The following SEMA4D variants were observed in gnomAD, a reference collection of about 807,000 sequenced individuals.
The protein encoded by SEMA4D is semaphorin 4D, also known as semaphorin-4D.
SEMA4D carries 22 observed loss-of-function variants against 74.8 expected under a neutral mutation model. The observed-to-expected ratio is 0.29, with a 90% CI of 0.21 to 0.42. The LOEUF is 0.42. Among genes scored for constraint, SEMA4D ranks in the 10% least tolerant of loss-of-function variants. SEMA4D has a pLI of 1.00. For missense variants in SEMA4D, 937 were observed against 1,118.4 expected, an observed-to-expected ratio of 0.84 and a Z score of 2.31; for synonymous variants, 445 against 463.7, an observed-to-expected ratio of 0.96 and a Z score of 0.52.
intron 2 of SEMA4D, among the ~76,000 whole-genome samples, chr9:89,423,835 T>TCC (rs1847525923): frequency 2.8e-5 from 3 of 106,472 alleles, no homozygotes; most frequent in African/African-American, 1.1e-4. Context: ...CTCCCTCAGC[T>TCC]ACTCCCTCAG....
At chr9:89,365,113 C>T (rs75309471) in intron 16 of SEMA4D, 3,116 of 152,516 alleles carry the variant, frequency 0.02, 46 homozygotes, top group Non-Finnish European at 0.029. Context: ...TGATCTGCTT[C>T]GCACACTGGC....
intron 2 of SEMA4D, among the ~76,000 whole-genome samples, chr9:89,409,050 G>A (rs916700503): frequency 1.3e-5 from 2 of 152,142 alleles, no homozygotes; most frequent in Non-Finnish European, 2.9e-5. Context: ...GCAGGCGAGT[G>A]GGTATACAAA....
intron 2 of SEMA4D, among the ~76,000 whole-genome samples, chr9:89,426,976 C>T (rs920958135): frequency 2.0e-5 from 3 of 152,176 alleles, no homozygotes; most frequent in African/African-American, 7.2e-5. Flanking sequence ...CTGTCCCCAG[C>T]GAGTTCCCCC....
intron 5 of SEMA4D, 26 bp downstream of exon 5, chr9:89,399,250 C>A: frequency 6.3e-7 from 1 of 1,599,552 alleles, no homozygotes; most frequent in Non-Finnish European, 8.6e-7. Flanking sequence ...GAATGGGATT[C>A]TTTGTAGCTT....
intron 1 of SEMA4D, among the ~76,000 whole-genome samples, chr9:89,478,954 A>G (rs1293267953): frequency 6.6e-6 from 1 of 152,174 alleles, no homozygotes; most frequent in Non-Finnish European, 1.5e-5. Flanking sequence ...TCTCTGCTCC[A>G]ATGTCCAAGG....
At chr9:89,448,473 T>C (rs1001637972) in intron 2 of SEMA4D, among the ~76,000 whole-genome samples, 3 of 152,166 alleles carry the variant, frequency 2.0e-5, no homozygotes, top group African/African-American at 7.2e-5. Flanking sequence ...CCCTGGGCGA[T>C]GTGGGATAGA....
rs867402940 is a variant in SEMA4D at position 89,496,567 on chromosome 9, A to C, written c.-310+1352T>G. Among the ~76,000 whole-genome samples the C allele has an allele frequency of 5.3e-3, 809 of 151,540 alleles. 7 individuals are homozygous for C. Among genetic ancestry groups the C allele is most frequent in the African/African-American group, 0.017 (715 of 41,302 alleles). ...AGGCCAGTGCATCCCTCATCTTCCCACCCCAGCCTCCCTGGTGGGTATGCT... is the reference window on the plus strand; with the variant it reads ...AGGCCAGTGCATCCCTCATCTTCCCCCCCCAGCCTCCCTGGTGGGTATGCT... On this transcript the variant is annotated intron_variant, in intron 1 of 15. Coordinates refer to ENST00000422704, the MANE Select transcript of SEMA4D (RefSeq NM_001371194.2).
At chr9:89,415,736 CTATGACATTT>C (rs1370234734) in intron 2 of SEMA4D, among the ~76,000 whole-genome samples, 1 of 152,184 alleles carries the variant, frequency 6.6e-6, no homozygotes, top group African/African-American at 2.4e-5. Context: ...GTCACCCAGT[CTATGACATTT>C]TGTTTGAGCA....
At position 89,388,660 on chromosome 9, in the gene SEMA4D, C is replaced by G. The variant is rs372941868; in HGVS notation, c.1083G>C (p.Pro361=). ...SHTKWVRYNG[P]VPKPRPGACI... ...CCGCTCCAGGCCGCGGCTTGGGTACCGGGCCATTATAGCGCACCCACTTGG... is the reference window on the plus strand; with the variant it reads ...CCGCTCCAGGCCGCGGCTTGGGTACGGGGCCATTATAGCGCACCCACTTGG... Residue 361 remains proline, a synonymous_variant, in exon 11 of 16, where the codon CCG becomes CCC. Transcript: ENST00000422704. The G allele has an allele frequency of 6.2e-7, 1 of 1,602,062 alleles. No homozygotes were observed. Among genetic ancestry groups the G allele is most frequent in the East Asian group, 2.2e-5 (1 of 44,784 alleles).
chr9:89,383,277 C>T (rs982733916), intron 13 of SEMA4D, among the ~76,000 whole-genome samples: 1 of 152,134 alleles, frequency 6.6e-6, no homozygotes, highest in South Asian at 2.1e-4. Context: ...CTCTCCCCCA[C>T]CCCCAGTGTG....
intron 8 of SEMA4D, 89 bp from the exon 9 acceptor site, chr9:89,391,504 T>G: frequency 3.0e-6 from 4 of 1,352,988 alleles, no homozygotes; most frequent in Non-Finnish European, 3.1e-6. Context: ...AACACTACCT[T>G]GGGGGCCTGA....
At chr9:89,430,437 C>T (rs1477854767) in intron 2 of SEMA4D, among the ~76,000 whole-genome samples, 2 of 152,170 alleles carry the variant, frequency 1.3e-5, no homozygotes, top group East Asian at 3.9e-4. Flanking sequence ...ACGCAAAACC[C>T]ACCCAGGGCA....
At chr9:89,473,023 G>A (rs751294377) in intron 1 of SEMA4D, among the ~76,000 whole-genome samples, 1 of 151,794 alleles carries the variant, frequency 6.6e-6, no homozygotes, top group Non-Finnish European at 1.5e-5. Context: ...TTGAGCCCAG[G>A]AGGTTGAAGT....
chr9:89,371,782 CGGGGTGTGTTTG>C (rs1564500700), intron 16 of SEMA4D, among the ~76,000 whole-genome samples: 4 of 13,018 alleles, frequency 3.1e-4, no homozygotes, highest in Non-Finnish European at 1.3e-4. Context: ...TGGTGTGTGT[CGGGGTGTGTTTG>C]GGGTGTGTGT....
intron 2 of SEMA4D, among the ~76,000 whole-genome samples, chr9:89,439,145 C>A (rs1851162244): frequency 6.6e-6 from 1 of 151,876 alleles, no homozygotes; most frequent in Non-Finnish European, 1.5e-5. Context: ...CTACGCCCGG[C>A]TAATTTTTGT....
rs201671756 is a variant in SEMA4D, at chr9:89,400,052, TA to T, written c.253-715del. 2.1e-3 allele frequency among the ~76,000 whole-genome samples: 282 copies of T among 136,836 alleles called. 2 individuals are homozygous for T. Among genetic ancestry groups the T allele is most frequent in the African/African-American group, 7.0e-3 (257 of 36,522 alleles). 89.8% of individuals were successfully genotyped at this position (136,836 alleles called of 152,430 possible). A position where few individuals can be genotyped will look rare whatever the true frequency, so the allele number is the denominator to read the frequency against. ...AAAAAAGTGACTCTACAGTCCAGTT[TA>T]AAAAAAAAAGCCACAATATTCACTG... On this transcript the variant is annotated intron_variant, in intron 4 of 15. Transcript: ENST00000422704.
intron 2 of SEMA4D, among the ~76,000 whole-genome samples, chr9:89,407,372 C>T (rs1271035973): frequency 6.6e-6 from 1 of 152,210 alleles, no homozygotes; most frequent in Non-Finnish European, 1.5e-5. Flanking sequence ...GGCAGCCATG[C>T]TGTCAACATG....
At chr9:89,487,969 G>A (rs905037558) in intron 1 of SEMA4D, among the ~76,000 whole-genome samples, 3 of 152,164 alleles carry the variant, frequency 2.0e-5, no homozygotes, top group Admixed American at 6.5e-5. Flanking sequence ...AATCCAAGCA[G>A]GCTTGCTGTA....
chr9:89,376,889 T>C (rs1344134146), downstream of SEMA4D: 2 of 1,550,712 alleles, frequency 1.3e-6, no homozygotes, highest in East Asian at 2.4e-5. Flanking sequence ...CTGTGCCTGG[T>C]CACTCAGGAA....
Sources: allele counts gnomAD v4.1 joint callset (sites outside exome capture counted in the v4.1 genomes callset), GRCh38; gene constraint gnomAD v4.1.1; transcripts MANE v1.5; gene names NCBI Gene and HGNC (gene_info 2026-07-23, HGNC 2026-07-21).